The following ADSS2 variants were observed in gnomAD, a reference collection of about 807,000 sequenced individuals.
ADSS2 encodes the protein adenylosuccinate synthase 2, also known as adenylosuccinate synthetase isozyme 2.
A neutral mutation model predicts 60.0 loss-of-function variants in ADSS2; 30 were observed. The observed-to-expected ratio is 0.50, with a 90% CI of 0.37 to 0.68. ADSS2 has a LOEUF of 0.68. Ranked by LOEUF, ADSS2 falls within the 30% of genes least tolerant of loss-of-function variation. The pLI is 0.00. For missense variants in ADSS2, 373 were observed against 554.8 expected (o/e 0.67, Z 3.29); for synonymous variants, 187 against 193.1 (o/e 0.97, Z 0.26).
At chr1:244,416,168 C>A in intron 10 of ADSS2, 90 bp from the exon 11 acceptor site, 1 of 848,502 alleles carries the variant, frequency 1.2e-6, no homozygotes, top group South Asian at 1.6e-5. Context: ...AAGAAAAATT[C>A]ATGCAAAGCT....
chr1:244,415,947 T>A (rs530183884), intron 11 of ADSS2, 34 bp downstream of exon 11: 1 of 1,424,196 alleles, frequency 7.0e-7, no homozygotes, highest in Non-Finnish European at 9.9e-7. Flanking sequence ...ATTCACCTTA[T>A]AATATCCTTT....
chr1:244,432,351 C>T (rs1431579363), intron 4 of ADSS2, among the ~76,000 whole-genome samples, 194 bp downstream of exon 4: 1 of 151,834 alleles, frequency 6.6e-6, no homozygotes, highest in Non-Finnish European at 1.5e-5. Flanking sequence ...TTTTTTCAAA[C>T]AGGTAAATTT....
At chr1:244,413,697 A>T (rs538437589) in intron 11 of ADSS2, among the ~76,000 whole-genome samples, 142 of 152,290 alleles carry the variant, frequency 9.3e-4, no homozygotes, top group Non-Finnish European at 1.5e-3. Flanking sequence ...CGCCACAGGT[A>T]AAGAGCAGGA....
intron 4 of ADSS2, 30 bp downstream of exon 4, chr1:244,432,515 T>C: frequency 6.9e-7 from 1 of 1,448,848 alleles, no homozygotes; most frequent in Non-Finnish European, 9.4e-7. Context: ...AAAAAGATAG[T>C]TACAAATAAA....
chr1:244,422,150 T>C (rs1400338233), intron 7 of ADSS2, among the ~76,000 whole-genome samples: 2 of 152,216 alleles, frequency 1.3e-5, no homozygotes, highest in South Asian at 2.1e-4. Context: ...GCATTTATTC[T>C]AGAATGGCAT....
chr1:244,448,855 T>C (rs1665460573), intron 1 of ADSS2, among the ~76,000 whole-genome samples: 2 of 152,176 alleles, frequency 1.3e-5, no homozygotes, highest in Admixed American at 1.3e-4. Context: ...GTCCCCCAGA[T>C]TGTGAGCTCC....
chr1:244,423,897 T>A lies in ADSS2; in HGVS notation c.581+56A>T, dbSNP rs998172424. ...CTGTATCATTTTGCACCCTAGATTT[T>A]AAAAAAAATCAAAAAATGCATTCAT... On this transcript the variant is annotated intron_variant, in intron 6 of 12. Coordinates refer to ENST00000366535, the MANE Select transcript of ADSS2 (RefSeq NM_001126.5). The A allele has an allele frequency of 9.7e-5, 140 of 1,447,118 alleles. 1 individual carries two copies. The highest frequency in any genetic ancestry group is 3.6e-4 in the African/African-American group (25 of 70,180). 89.6% of individuals were successfully genotyped at this position (1,447,118 alleles called of 1,614,324 possible). A position where few individuals can be genotyped will look rare whatever the true frequency, so the allele number is the denominator to read the frequency against.
chr1:244,425,387 G>GATC (rs1430204733), intron 4 of ADSS2, among the ~76,000 whole-genome samples: 3 of 152,172 alleles, frequency 2.0e-5, no homozygotes, highest in South Asian at 4.1e-4. Flanking sequence ...TTTTGCTAAT[G>GATC]ATGTCACTGT....
At chr1:244,432,208 G>A (rs767662934) in intron 4 of ADSS2, among the ~76,000 whole-genome samples, 1 of 152,078 alleles carries the variant, frequency 6.6e-6, no homozygotes, top group Non-Finnish European at 1.5e-5. Flanking sequence ...TCTGCAAAAC[G>A]GTACACTTAC....
At chr1:244,444,308 G>T (rs1285851049) in intron 1 of ADSS2, among the ~76,000 whole-genome samples, 1 of 151,148 alleles carries the variant, frequency 6.6e-6, no homozygotes, top group Non-Finnish European at 1.5e-5. Context: ...GAGGTCAGGA[G>T]ATCGAGACCA....
At chr1:244,414,691 T>TA (rs1664490675) in intron 11 of ADSS2, among the ~76,000 whole-genome samples, 1 of 152,200 alleles carries the variant, frequency 6.6e-6, no homozygotes, top group African/African-American at 2.4e-5. Context: ...GCTGTCAACT[T>TA]ATTTTACCCT....
rs1218477954 is a variant in ADSS2 at position 244,411,407 on chromosome 1, C to T, written c.1198G>A (p.Val400Ile). ...ANQEVLNKVE[V>I]QYKTLPGWNT... ...CATCCTGGGAGAGTCTTATATTGAA[C>T]TTCAACTTTATTTAAGACTTCTTGG... Residue 400 changes from valine (V) to isoleucine (I), a missense_variant, in exon 12 of 13, where the codon GTT becomes ATT. By Grantham distance (29) the Val-to-Ile change is conservative. Transcript: ENST00000366535. 14 of 1,611,628 alleles carry T rather than the reference C, an allele frequency of 8.7e-6. No individual in the cohort carries two copies. Among genetic ancestry groups the T allele is most frequent in the Non-Finnish European group, 1.2e-5 (14 of 1,179,364 alleles).
At chr1:244,432,475 C>T in intron 4 of ADSS2, 70 bp downstream of exon 4, 1 of 1,158,828 alleles carries the variant, frequency 8.6e-7, no homozygotes, top group Non-Finnish European at 1.2e-6. Context: ...AAATTAGTTA[C>T]TAAATACTTT....
At chr1:244,422,593 CCT>C (rs1168525022) in intron 7 of ADSS2, among the ~76,000 whole-genome samples, 1 of 152,188 alleles carries the variant, frequency 6.6e-6, no homozygotes, top group African/African-American at 2.4e-5. Context: ...ATCTAAACTC[CCT>C]GTCACTGCAC....
At chr1:244,415,858 C>T in intron 11 of ADSS2, 123 bp downstream of exon 11, 1 of 672,454 alleles carries the variant, frequency 1.5e-6, no homozygotes, top group Non-Finnish European at 2.5e-6. Context: ...CAAATTTGCA[C>T]TAATCATAAA....
At chr1:244,433,439 C>A (rs898940882) in intron 3 of ADSS2, among the ~76,000 whole-genome samples, 2 of 152,168 alleles carry the variant, frequency 1.3e-5, no homozygotes, top group African/African-American at 2.4e-5. Flanking sequence ...AAATAAAATA[C>A]TTCTAGGAAT....
intron 1 of ADSS2, among the ~76,000 whole-genome samples, chr1:244,444,182 T>C (rs1665322086): frequency 6.6e-6 from 1 of 152,156 alleles, no homozygotes; most frequent in Admixed American, 6.5e-5. Flanking sequence ...TAATATAGTA[T>C]ATATTTTACC....
At chr1:244,442,436 A>G (rs1479437237) in intron 1 of ADSS2, among the ~76,000 whole-genome samples, 1 of 152,200 alleles carries the variant, frequency 6.6e-6, no homozygotes, top group African/African-American at 2.4e-5. Flanking sequence ...GTTATTGAAA[A>G]ATAGCAACAT....
intron 3 of ADSS2, among the ~76,000 whole-genome samples, chr1:244,434,115 G>A (rs1665022381): frequency 6.6e-6 from 1 of 151,354 alleles, no homozygotes; most frequent in Non-Finnish European, 1.5e-5. Context: ...GACCAAGGCA[G>A]GAGGATTGCT....
Sources: gnomAD v4.1 joint callset for allele counts (sites outside exome capture counted in the v4.1 genomes callset) on GRCh38, gnomAD v4.1.1 for gene constraint, MANE v1.5 for transcripts, NCBI Gene and HGNC (gene_info 2026-07-23, HGNC 2026-07-21) for gene names.